FLI1: variants seen among roughly 807,000 people sequenced by gnomAD.
FLI1 encodes the protein Fli-1 proto-oncogene, ETS transcription factor.
In FLI1, 13 loss-of-function variants were observed where a neutral mutation model predicts 53.1. That is an observed-to-expected ratio of 0.24 (90% CI 0.16 to 0.39). The LOEUF (loss-of-function observed/expected upper bound fraction) is 0.39. Among genes scored for constraint, FLI1 ranks in the 10% least tolerant of loss-of-function variants. FLI1 has a pLI of 1.00. For missense variants in FLI1, 424 were observed against 600.5 expected, an observed-to-expected ratio of 0.71 and a Z score of 3.07; for synonymous variants, 244 against 236.7, an observed-to-expected ratio of 1.03 and a Z score of -0.28.
At chr11:128,719,228 C>T (rs1011155623) in intron 1 of FLI1, among the ~76,000 whole-genome samples, 1 of 151,120 alleles carries the variant, frequency 6.6e-6, no homozygotes, top group Non-Finnish European at 1.5e-5. Flanking sequence ...CTGCCATTTC[C>T]GGCCATGTGA....
At chr11:128,719,356 CGTGTGTGTGTGTGTGTGTGT>C (rs56336914) in intron 1 of FLI1, among the ~76,000 whole-genome samples, 3 of 145,200 alleles carry the variant, frequency 2.1e-5, no homozygotes, top group East Asian at 2.0e-4. Context: ...CCCCTTTTCC[CGTGTGTGTGTGTGTGTGTGT>C]GTGTGTGTGT....
intron 1 of FLI1, among the ~76,000 whole-genome samples, chr11:128,708,788 C>T (rs922792883): frequency 1.3e-5 from 2 of 152,130 alleles, no homozygotes; most frequent in African/African-American, 2.4e-5. Flanking sequence ...TTTCAGATTC[C>T]GAGCCTTATT....
At chr11:128,736,350 C>T (rs1939916398) in intron 1 of FLI1, among the ~76,000 whole-genome samples, 1 of 152,188 alleles carries the variant, frequency 6.6e-6, no homozygotes, top group Non-Finnish European at 1.5e-5. Flanking sequence ...TGGTAAGCCA[C>T]AGCTTTTGGC....
At chr11:128,801,979 G>C (rs1206803643) in intron 5 of FLI1, among the ~76,000 whole-genome samples, 1 of 152,202 alleles carries the variant, frequency 6.6e-6, no homozygotes, top group Non-Finnish European at 1.5e-5. Context: ...TGAGGGAGTT[G>C]CGGGGAGGAG....
In FLI1 at chr11:128,732,225, G is replaced by A. The variant is rs549953432; in HGVS notation, c.19-25890G>A. ...CTTTCTCCATCCATTCAGCCAATCA[G>A]TACCAGATTATTCTCCAGCTATCTT... is the stretch of plus-strand genomic sequence containing the variant. On this transcript the variant is annotated intron_variant, in intron 1 of 8. Coordinates refer to ENST00000527786, the MANE Select transcript of FLI1 (RefSeq NM_002017.5). 1.1e-4 allele frequency among the ~76,000 whole-genome samples: 17 copies of A among 152,294 alleles called. No individual in the cohort carries two copies. In the East Asian group the frequency reaches 3.3e-3, roughly 29 times the overall value.
At chr11:128,739,332 AG>A (rs1316115698) in intron 1 of FLI1, among the ~76,000 whole-genome samples, 1 of 152,226 alleles carries the variant, frequency 6.6e-6, no homozygotes, top group South Asian at 2.1e-4. Flanking sequence ...GAAGAAAACA[AG>A]TATTTTAAAA....
chr11:128,802,660 C>T (rs746165032), intron 5 of FLI1, among the ~76,000 whole-genome samples: 2 of 152,230 alleles, frequency 1.3e-5, no homozygotes, highest in Non-Finnish European at 2.9e-5. Flanking sequence ...AAGCTTCTGC[C>T]ATCAGATGGG....
At chr11:128,783,525 G>T (rs188267241) in intron 5 of FLI1, among the ~76,000 whole-genome samples, 1 of 152,044 alleles carries the variant, frequency 6.6e-6, no homozygotes, top group African/African-American at 2.4e-5. Context: ...TGTCATGAAC[G>T]CTGAATTTCT....
chr11:128,718,735 C>T (rs549647359), intron 1 of FLI1, among the ~76,000 whole-genome samples: 14 of 152,330 alleles, frequency 9.2e-5, no homozygotes, highest in African/African-American at 3.1e-4. Flanking sequence ...TCCAAGCTCA[C>T]TACTTTTCAA....
intron 5 of FLI1, among the ~76,000 whole-genome samples, chr11:128,792,059 T>G (rs1451283862): frequency 6.6e-6 from 1 of 152,302 alleles, no homozygotes; most frequent in East Asian, 1.9e-4. Context: ...GCCAAGAAAT[T>G]TCCTATTCAT....
At chr11:128,750,794 A>G (rs1940611750) in intron 1 of FLI1, among the ~76,000 whole-genome samples, 1 of 152,268 alleles carries the variant, frequency 6.6e-6, no homozygotes, top group African/African-American at 2.4e-5. Flanking sequence ...ATTTGTAAGT[A>G]TAACAAGAAA....
chr11:128,700,808 A>G (rs1012840159), intron 1 of FLI1, among the ~76,000 whole-genome samples: 1 of 152,184 alleles, frequency 6.6e-6, no homozygotes, highest in African/African-American at 2.4e-5. Flanking sequence ...AAGGGAGGTC[A>G]AGGCTACAAT....
At chr11:128,805,642 T>C (rs1201868576) in intron 6 of FLI1, 3 of 532,896 alleles carry the variant, frequency 5.6e-6, no homozygotes, top group Non-Finnish European at 1.0e-5. Flanking sequence ...AGTTTTGTTT[T>C]ATTGCGCTCG....
intron 1 of FLI1, among the ~76,000 whole-genome samples, chr11:128,700,417 A>G (rs1414803696): frequency 6.6e-6 from 1 of 152,222 alleles, no homozygotes; most frequent in African/African-American, 2.4e-5. Context: ...GGTGGATCTA[A>G]GCCTGGCCTT....
At chr11:128,789,592 C>T (rs630639) in intron 5 of FLI1, among the ~76,000 whole-genome samples, 59,684 of 152,088 alleles carry the variant, frequency 0.39, 12,868 homozygotes, top group African/African-American at 0.6. Context: ...AAGAGTTTCC[C>T]GAGGAGGGCA....
At position 128,811,066 on chromosome 11, in the gene FLI1, T is replaced by C. The variant is rs1057360711; in HGVS notation, c.*78T>C. 8.6e-6 allele frequency: 12 copies of C among 1,388,204 alleles called. No homozygotes were observed. Among genetic ancestry groups the C allele is most frequent in the African/African-American group, 2.9e-5 (2 of 69,630 alleles). 86.0% of individuals were successfully genotyped at this position (1,388,204 alleles called of 1,614,324 possible). A position where few individuals can be genotyped will look rare whatever the true frequency, so the allele number is the denominator to read the frequency against. ...GATGCTTTGGACTCAACAGGACATATGTGGCCTTGAAGGGAAGACAAAACT... is the reference window on the plus strand; with the variant it reads ...GATGCTTTGGACTCAACAGGACATACGTGGCCTTGAAGGGAAGACAAAACT... On this transcript the variant is annotated 3_prime_UTR_variant, in exon 9 of 9. Transcript: ENST00000527786.
At chr11:128,703,878 G>GACACAGA (rs1938445984) in intron 1 of FLI1, among the ~76,000 whole-genome samples, 1 of 142,024 alleles carries the variant, frequency 7.0e-6, no homozygotes, top group Non-Finnish European at 1.5e-5. Context: ...CGTTAAGAGA[G>GACACAGA]ACACAGAAAC....
intron 1 of FLI1, among the ~76,000 whole-genome samples, chr11:128,688,162 C>T (rs1279944175): frequency 1.3e-5 from 2 of 152,068 alleles, no homozygotes; most frequent in African/African-American, 4.8e-5. Flanking sequence ...TCATAGGAAC[C>T]CTCGAGTCCA....
At position 128,751,262 on chromosome 11, in the gene FLI1, C is replaced by T. The variant is rs529852586; in HGVS notation, c.19-6853C>T. ...AATCAACATTCGGAGAAGTAGGTATCGCTCTGGCTTTATCTGAACTCCCTC... is the reference window on the plus strand; with the variant it reads ...AATCAACATTCGGAGAAGTAGGTATTGCTCTGGCTTTATCTGAACTCCCTC... On this transcript the variant is annotated intron_variant, in intron 1 of 8. Coordinates refer to ENST00000527786, the MANE Select transcript of FLI1 (RefSeq NM_002017.5). 3.9e-5 allele frequency among the ~76,000 whole-genome samples: 6 copies of T among 152,316 alleles called. No homozygotes were observed. In the South Asian group the frequency reaches 1.0e-3, roughly 26 times the overall value.
Sources: gnomAD v4.1 joint callset for allele counts (sites outside exome capture counted in the v4.1 genomes callset) on GRCh38, gnomAD v4.1.1 for gene constraint, MANE v1.5 for transcripts, NCBI Gene and HGNC (gene_info 2026-07-23, HGNC 2026-07-21) for gene names.